PAK1: variants seen among roughly 807,000 people sequenced by gnomAD.
PAK1 encodes serine/threonine-protein kinase PAK 1.
In PAK1, 29 loss-of-function variants were observed where a neutral mutation model predicts 67.4. The observed-to-expected ratio is 0.43, with a 90% confidence interval of 0.32 to 0.59. The LOEUF (loss-of-function observed/expected upper bound fraction) is 0.59, where lower values mean the gene tolerates loss of function less well. Among genes scored for constraint, PAK1 ranks in the 20% least tolerant of loss-of-function variants. The probability of loss-of-function intolerance (pLI) is 0.07; values close to 1 mark genes in which losing one functional copy is unlikely to be tolerated. For missense variants in PAK1, 337 were observed against 670.7 expected, an observed-to-expected ratio of 0.50 and a Z score of 5.50; for synonymous variants, 223 against 237.4, an observed-to-expected ratio of 0.94 and a Z score of 0.56.
At chr11:77,435,884 T>A (rs1956108675) in intron 1 of PAK1, among the ~76,000 whole-genome samples, 1 of 152,112 alleles carries the variant, frequency 6.6e-6, no homozygotes, top group Admixed American at 6.5e-5. Flanking sequence ...AGAGGACATT[T>A]TCCTCAACTA....
chr11:77,517,498 C>T, the PAK1 span, among the ~76,000 whole-genome samples: 1 of 152,100 alleles, frequency 6.6e-6, no homozygotes, highest in Non-Finnish European at 1.5e-5. Flanking sequence ...TTGACATATG[C>T]CAAAGAATGG....
intron 6 of PAK1, among the ~76,000 whole-genome samples, chr11:77,357,146 T>C (rs1480476995): frequency 6.6e-6 from 1 of 152,128 alleles, no homozygotes; most frequent in East Asian, 1.9e-4. Flanking sequence ...AGAGGATCAT[T>C]TATCTATGAT....
At chr11:77,445,288 G>T (rs567818658) in intron 1 of PAK1, among the ~76,000 whole-genome samples, 1 of 152,142 alleles carries the variant, frequency 6.6e-6, no homozygotes, top group Non-Finnish European at 1.5e-5. Flanking sequence ...TCAACCTTCT[G>T]GCCTCTAGAA....
intron 7 of PAK1, 75 bp downstream of exon 7, chr11:77,355,593 G>A (rs1945915757): frequency 4.0e-6 from 5 of 1,260,574 alleles, no homozygotes; most frequent in Non-Finnish European, 4.6e-6. Context: ...CATGGACCAA[G>A]CCTACGACCA....
intron 2 of PAK1, among the ~76,000 whole-genome samples, chr11:77,389,764 T>C (rs902700529): frequency 4.1e-4 from 62 of 152,262 alleles, no homozygotes; most frequent in African/African-American, 1.5e-3. Context: ...ACATCCATTA[T>C]AAAATATGTA....
At chr11:77,513,046 C>A in the PAK1 span, among the ~76,000 whole-genome samples, 1 of 152,060 alleles carries the variant, frequency 6.6e-6, no homozygotes, top group African/African-American at 2.4e-5. Flanking sequence ...GCTATGATGG[C>A]GCCACTGCAC....
At chr11:77,396,633 C>T (rs1951869477) in intron 1 of PAK1, among the ~76,000 whole-genome samples, 2 of 152,240 alleles carry the variant, frequency 1.3e-5, no homozygotes. Flanking sequence ...GAAAAGACCA[C>T]TATCTCTTCC....
intron 8 of PAK1, 165 bp downstream of exon 8, chr11:77,353,371 C>T: frequency 1.7e-6 from 1 of 571,676 alleles, no homozygotes; most frequent in South Asian, 2.4e-5. Flanking sequence ...AAGCATAATT[C>T]TGCCAAATCT....
chr11:77,461,256 A>G (rs1957329831), intron 1 of PAK1, among the ~76,000 whole-genome samples: 1 of 152,252 alleles, frequency 6.6e-6, no homozygotes. Flanking sequence ...CCTACACCTG[A>G]TAGTTTTATG....
intron 1 of PAK1, among the ~76,000 whole-genome samples, chr11:77,415,684 C>T (rs1954907270): frequency 6.6e-6 from 1 of 151,442 alleles, no homozygotes; most frequent in African/African-American, 2.4e-5. Context: ...GGAAGTTTCT[C>T]TGGGTGAGTC....
chr11:77,490,146 G>A, the PAK1 span, among the ~76,000 whole-genome samples: 1,528 of 148,468 alleles, frequency 0.01, 26 homozygotes, highest in African/African-American at 0.036. Context: ...TGGCCGCCCC[G>A]TCTGAGAAGT....
chr11:77,398,458 G>A (rs369260688), intron 1 of PAK1, among the ~76,000 whole-genome samples: 1 of 152,132 alleles, frequency 6.6e-6, no homozygotes, highest in South Asian at 2.1e-4. Context: ...CTTTTTGGTG[G>A]CTGAATAGTA....
intron 1 of PAK1, among the ~76,000 whole-genome samples, chr11:77,446,897 GAAAA>G (rs11420682): frequency 2.4e-5 from 3 of 123,586 alleles, no homozygotes; most frequent in African/African-American, 8.5e-5. Flanking sequence ...GTGACAAAAA[GAAAA>G]AAAAAAAACA....
At chr11:77,325,310 C>T in intron 14 of PAK1, 2 of 1,613,798 alleles carry the variant, frequency 1.2e-6, no homozygotes. Flanking sequence ...AGGCTGAAAT[C>T]CTGGATCTGC....
At chr11:77,485,195 G>A in the PAK1 span, among the ~76,000 whole-genome samples, 1 of 151,990 alleles carries the variant, frequency 6.6e-6, no homozygotes, top group Admixed American at 6.6e-5. Context: ...GGGGGTGAGG[G>A]GAATAGTGGT....
intron 5 of PAK1, among the ~76,000 whole-genome samples, chr11:77,367,938 C>T (rs531489831): frequency 3.9e-5 from 6 of 152,318 alleles, no homozygotes; most frequent in African/African-American, 9.6e-5. Context: ...GAGATCACGC[C>T]GCTGCACTCC....
At chr11:77,517,566 G>A in the PAK1 span, among the ~76,000 whole-genome samples, 5 of 152,168 alleles carry the variant, frequency 3.3e-5, no homozygotes, top group Admixed American at 6.5e-5. Context: ...ACCAGGGACC[G>A]GTTTCATGGA....
Position 77,379,880 on chromosome 11 carries a change from G to A in PAK1, c.291+14C>T, listed in dbSNP as rs751083176. 9 of 1,573,906 alleles carry A rather than the reference G, an allele frequency of 5.7e-6. No homozygotes were observed. In the East Asian group the frequency reaches 1.8e-4, roughly 31 times the overall value. On this transcript the variant is annotated intron_variant, in intron 3 of 14. Transcript: ENST00000356341. Reference sequence around the variant, plus strand: ...TCTAAAAGACTAAAGACCTTTCTGTGACCCAGGACTTACCGTAAACTCCCC... The same window carrying A: ...TCTAAAAGACTAAAGACCTTTCTGTAACCCAGGACTTACCGTAAACTCCCC...
chr11:77,433,136 TA>T (rs1475583032), intron 1 of PAK1, among the ~76,000 whole-genome samples: 1 of 152,152 alleles, frequency 6.6e-6, no homozygotes, highest in East Asian at 1.9e-4. Flanking sequence ...CAACTGGATA[TA>T]AACATGCAAA....
Sources: allele counts gnomAD v4.1 joint callset (sites outside exome capture counted in the v4.1 genomes callset), GRCh38; gene constraint gnomAD v4.1.1; transcripts MANE v1.5; gene names NCBI Gene and HGNC (gene_info 2026-07-23, HGNC 2026-07-21).